Variants in PAK3 observed in about 807,000 individuals in gnomAD.
PAK3 encodes the protein p21 (RAC1) activated kinase 3.
In PAK3, 4 loss-of-function variants were observed where a neutral mutation model predicts 41.0. The observed-to-expected ratio is 0.10, with a 90% CI of 0.05 to 0.22. The LOEUF (loss-of-function observed/expected upper bound fraction) is 0.22, where lower values mean the gene tolerates loss of function less well. Ranked by LOEUF, PAK3 falls within the 10% of genes least tolerant of loss-of-function variation. The pLI is 1.00. For missense variants in PAK3, 205 were observed against 409.9 expected (o/e 0.50, Z 4.32); for synonymous variants, 146 against 139.6 (o/e 1.05, Z -0.32).
At chrX:111,157,311 A>G (rs1240231526) in intron 8 of PAK3, among the ~76,000 whole-genome samples, 1 of 111,723 alleles carries the variant, frequency 9.0e-6, no homozygotes, top group East Asian at 2.8e-4. Flanking sequence ...GCTCAGAGAA[A>G]AGGAAATTTC....
At chrX:111,205,144 G>C (rs2094731294) in intron 16 of PAK3, among the ~76,000 whole-genome samples, 2 of 109,691 alleles carry the variant, frequency 1.8e-5, no homozygotes, top group South Asian at 7.9e-4. Context: ...TGCTTCAAAA[G>C]AGTGGAATTT....
chrX:110,954,651 G>A, intron 1 of PAK3, among the ~76,000 whole-genome samples: 1 of 111,816 alleles, frequency 8.9e-6, no homozygotes, highest in Non-Finnish European at 1.9e-5. Flanking sequence ...GAAAGGGGAG[G>A]TTCATTTTAA....
chrX:111,175,938 T>C (rs2094399558), intron 11 of PAK3, among the ~76,000 whole-genome samples: 1 of 111,896 alleles, frequency 8.9e-6, no homozygotes, highest in Non-Finnish European at 1.9e-5. Context: ...CTATTTTAAA[T>C]TCCCAGCAAG....
intron 1 of PAK3, among the ~76,000 whole-genome samples, chrX:111,041,351 G>T (rs900354775): frequency 9.0e-6 from 1 of 111,493 alleles, no homozygotes; most frequent in Non-Finnish European, 1.9e-5. Flanking sequence ...AGTCCTGGGG[G>T]AGTGTTTGGG....
intron 1 of PAK3, among the ~76,000 whole-genome samples, chrX:111,054,451 A>C (rs1301129675): frequency 8.9e-6 from 1 of 112,473 alleles, no homozygotes; most frequent in Non-Finnish European, 1.9e-5. Context: ...AGATAAGAAA[A>C]ATCAGAGCTG....
intron 1 of PAK3, among the ~76,000 whole-genome samples, chrX:111,064,421 G>C (rs1273624676): frequency 9.1e-6 from 1 of 110,371 alleles, no homozygotes; most frequent in East Asian, 2.8e-4. Flanking sequence ...GTACCAAATA[G>C]TTGTCCAACC....
chrX:111,132,539 C>A (rs987612892), intron 5 of PAK3, among the ~76,000 whole-genome samples: 1 of 110,762 alleles, frequency 9.0e-6, no homozygotes, highest in African/African-American at 3.3e-5. Flanking sequence ...AGGAGGGCCT[C>A]GACCCCAGCA....
At chrX:111,146,530 T>C in intron 6 of PAK3, 1 of 1,146,082 alleles carries the variant, frequency 8.7e-7, no homozygotes, top group Non-Finnish European at 1.2e-6. Flanking sequence ...GCCAGATCTC[T>C]ATGGCTCACA....
intron 6 of PAK3, among the ~76,000 whole-genome samples, chrX:111,145,977 G>A (rs1459592672): frequency 8.9e-6 from 1 of 111,749 alleles, no homozygotes; most frequent in Non-Finnish European, 1.9e-5. Flanking sequence ...AAGTGCAAAA[G>A]AATCACATCA....
intron 3 of PAK3, among the ~76,000 whole-genome samples, chrX:111,101,777 G>T (rs1344185589): frequency 8.9e-6 from 1 of 112,027 alleles, no homozygotes; most frequent in Non-Finnish European, 1.9e-5. Context: ...TGCAGTGGGT[G>T]GGATTTGGAA....
intron 1 of PAK3, among the ~76,000 whole-genome samples, chrX:111,040,237 C>T (rs1376880266): frequency 5.4e-5 from 6 of 110,680 alleles, no homozygotes; most frequent in Non-Finnish European, 1.1e-4. Context: ...TCGATTTCCC[C>T]TTCTCTAAAT....
At chrX:111,084,175 A>C (rs780063786) in intron 1 of PAK3, among the ~76,000 whole-genome samples, 59 of 112,328 alleles carry the variant, frequency 5.3e-4, no homozygotes, top group Middle Eastern at 4.6e-3. Flanking sequence ...GTGTTCATGG[A>C]ATATCCACAG....
intron 7 of PAK3, among the ~76,000 whole-genome samples, chrX:111,151,245 T>C (rs991024476): frequency 3.6e-5 from 4 of 112,556 alleles, no homozygotes; most frequent in African/African-American, 1.3e-4. Context: ...CAAGAAATCA[T>C]TTCACTGTAA....
intron 1 of PAK3, among the ~76,000 whole-genome samples, chrX:111,068,238 C>G (rs945447031): frequency 9.0e-6 from 1 of 111,407 alleles, no homozygotes; most frequent in African/African-American, 3.3e-5. Flanking sequence ...TATTTGTTTT[C>G]TATTTAACAG....
chrX:110,969,442 C>T (rs768272703), intron 1 of PAK3, among the ~76,000 whole-genome samples: 2 of 85,445 alleles, frequency 2.3e-5, no homozygotes, highest in Non-Finnish European at 4.4e-5. Context: ...TGCTACCAGA[C>T]GTGGCTAATT....
At chrX:110,974,291 A>G (rs1353749162) in intron 1 of PAK3, among the ~76,000 whole-genome samples, 1 of 112,044 alleles carries the variant, frequency 8.9e-6, no homozygotes, top group Non-Finnish European at 1.9e-5. Flanking sequence ...ATCACCACCG[A>G]TTCCACAGAA....
In PAK3 at chrX:110,959,836, G is replaced by A. The variant is rs184270175; in HGVS notation, c.-28+15208G>A. 1.5e-3 allele frequency among the ~76,000 whole-genome samples: 164 copies of A among 111,082 alleles called. 1 individual carries two copies. Among genetic ancestry groups the A allele is most frequent in the African/African-American group, 5.1e-3 (155 of 30,567 alleles). ...TTTAAGTTCATCCTGAAAAAGAAGC[G>A]AAAAAAGCCAACAGATAACAAAATT... On this transcript the variant is annotated intron_variant, in intron 1 of 14. Transcript: ENST00000425146.
At chrX:111,021,527 A>C (rs890219667) in intron 1 of PAK3, among the ~76,000 whole-genome samples, 1 of 111,432 alleles carries the variant, frequency 9.0e-6, no homozygotes, top group African/African-American at 3.3e-5. Flanking sequence ...GAGACAAAAC[A>C]ATCTGAACAG....
chrX:111,075,640 G>A (rs2092778419), intron 1 of PAK3, among the ~76,000 whole-genome samples: 1 of 112,809 alleles, frequency 8.9e-6, no homozygotes, highest in African/African-American at 3.2e-5. Context: ...AGCACCAAGA[G>A]GAAATGTGAG....
Sources: gnomAD v4.1 joint callset for allele counts (sites outside exome capture counted in the v4.1 genomes callset) on GRCh38, gnomAD v4.1.1 for gene constraint, MANE v1.5 for transcripts, NCBI Gene and HGNC (gene_info 2026-07-23, HGNC 2026-07-21) for gene names.